CFAP70: variants seen among roughly 807,000 people sequenced by gnomAD.
CFAP70 encodes cilia and flagella associated protein 70, also known as cilia- and flagella-associated protein 70.
CFAP70 carries 81 observed loss-of-function variants against 137.6 expected under a neutral mutation model. The observed-to-expected ratio is 0.59, with a 90% CI of 0.49 to 0.71. The LOEUF (loss-of-function observed/expected upper bound fraction) is 0.71. Among genes scored for constraint, CFAP70 ranks in the 30% least tolerant of loss-of-function variants. The pLI is 0.00. For missense variants in CFAP70, 976 were observed against 1,226.7 expected, an observed-to-expected ratio of 0.80 and a Z score of 3.05; for synonymous variants, 382 against 423.6, an observed-to-expected ratio of 0.90 and a Z score of 1.20.
chr10:73,331,438 T>G (rs1420031298), intron 7 of CFAP70, among the ~76,000 whole-genome samples, 162 bp from the exon 9 acceptor site: 1 of 152,158 alleles, frequency 6.6e-6, no homozygotes, highest in African/African-American at 2.4e-5. Flanking sequence ...GCCAGCACTT[T>G]GAGAGGCCAA....
intron 2 of CFAP70, among the ~76,000 whole-genome samples, chr10:73,354,527 G>T (rs1267979971): frequency 1.3e-5 from 2 of 152,144 alleles, no homozygotes; most frequent in Non-Finnish European, 2.9e-5. Flanking sequence ...CTTTCATCCT[G>T]TTAAATTTAG....
intron 9 of CFAP70, among the ~76,000 whole-genome samples, chr10:73,320,051 T>C (rs1029500403): frequency 6.6e-6 from 1 of 152,214 alleles, no homozygotes; most frequent in Admixed American, 6.5e-5. Flanking sequence ...GCTATCTTTC[T>C]GATATGTATT....
exon 2 of CFAP70, chr10:73,354,834 C>T: frequency 6.3e-7 from 1 of 1,588,488 alleles, no homozygotes; most frequent in South Asian, 1.1e-5. Flanking sequence ...TTTCTTTGGT[C>T]TCTGTAAACA....
At chr10:73,350,047 A>G (rs928414486) in intron 3 of CFAP70, among the ~76,000 whole-genome samples, 97 of 152,172 alleles carry the variant, frequency 6.4e-4, no homozygotes, top group African/African-American at 2.3e-3. Flanking sequence ...AATTATCCCC[A>G]AATTTATTTT....
At chr10:73,327,848 G>C (rs1447502738) in intron 8 of CFAP70, among the ~76,000 whole-genome samples, 2 of 152,000 alleles carry the variant, frequency 1.3e-5, no homozygotes, top group Admixed American at 6.6e-5. Context: ...AGGATACAAA[G>C]AAATGGAAGA....
At chr10:73,359,487 A>C (rs1260016729), upstream of CFAP70, among the ~76,000 whole-genome samples, 1 of 152,216 alleles carries the variant, frequency 6.6e-6, no homozygotes, top group Non-Finnish European at 1.5e-5. Flanking sequence ...CCATGGGCCA[A>C]ATAAGGGACA....
chr10:73,360,619 CATT>C (rs1218734621), upstream of CFAP70, among the ~76,000 whole-genome samples: 1 of 152,114 alleles, frequency 6.6e-6, no homozygotes, highest in African/African-American at 2.4e-5. Context: ...AATAAAGAAA[CATT>C]ATAAATATTG....
Position 73,275,714 on chromosome 10 carries a change from T to C in CFAP70, c.2521-116A>G. Reference sequence around the variant, plus strand: ...CGAAATGTATTACAGAATGAAATAATTATCCTCAACTTCAAAAGGTAAAGG... The same window carrying C: ...CGAAATGTATTACAGAATGAAATAACTATCCTCAACTTCAAAAGGTAAAGG... On this transcript the variant is annotated intron_variant, in intron 21 of 26. Transcript: ENST00000310715. This position sits in a 1 kb window ranked among gnomAD's most constrained non-coding sequence, Gnocchi z 4.0. 1.1e-6 allele frequency: 1 copy of C among 949,118 alleles called. No individual in the cohort carries two copies. Among genetic ancestry groups the C allele is most frequent in the South Asian group, 2.5e-5 (1 of 40,444 alleles). 58.8% of individuals were successfully genotyped at this position (949,118 alleles called of 1,614,324 possible).
intron 19 of CFAP70, among the ~76,000 whole-genome samples, chr10:73,285,133 T>C (rs2047596823): frequency 6.6e-6 from 1 of 151,978 alleles, no homozygotes; most frequent in South Asian, 2.1e-4. Context: ...CCATTAGTGA[T>C]ATATGGAAGT....
chr10:73,322,500 C>T (rs762654220), intron 9 of CFAP70, among the ~76,000 whole-genome samples: 14 of 150,946 alleles, frequency 9.3e-5, no homozygotes, highest in South Asian at 2.1e-4. Flanking sequence ...TCCCTTGAGC[C>T]CAGGAATTTG....
chr10:73,282,636 GA>G (rs200832812), intron 19 of CFAP70, among the ~76,000 whole-genome samples: 15,971 of 151,840 alleles, frequency 0.11, 1,200 homozygotes, highest in East Asian at 0.3. Context: ...CCTGACCTAG[GA>G]TGATCTGCCT....
chr10:73,307,984 A>G (rs2049534559), intron 12 of CFAP70, among the ~76,000 whole-genome samples: 1 of 142,388 alleles, frequency 7.0e-6, no homozygotes, highest in Admixed American at 7.0e-5. Flanking sequence ...ATCTCTACTA[A>G]AATACAAAAA....
At chr10:73,312,902 A>T (rs762844871) in intron 9 of CFAP70, among the ~76,000 whole-genome samples, 41 of 152,194 alleles carry the variant, frequency 2.7e-4, no homozygotes, top group Admixed American at 1.6e-3. Context: ...GGGATCTCAT[A>T]ACTCTTGTAA....
chr10:73,279,950 C>G (rs1290232030), intron 19 of CFAP70, among the ~76,000 whole-genome samples: 3 of 151,948 alleles, frequency 2.0e-5, no homozygotes, highest in Non-Finnish European at 4.4e-5. Context: ...AAAAAACTTA[C>G]CAGTTTTCTC....
chr10:73,333,465 A>C (rs1168970284), intron 7 of CFAP70, among the ~76,000 whole-genome samples: 1 of 152,110 alleles, frequency 6.6e-6, no homozygotes, highest in Non-Finnish European at 1.5e-5. Context: ...ATATCTAGGC[A>C]TATCATTTTC....
In CFAP70 at chr10:73,301,686, T is replaced by C. The variant is rs142235539; in HGVS notation, c.1257-2021A>G. 2.4e-3 allele frequency among the ~76,000 whole-genome samples: 361 copies of C among 152,342 alleles called. 1 individual carries two copies. The highest frequency in any genetic ancestry group is 8.6e-3 in the Admixed American group (132 of 15,298). ...CAACTTTTGGGGTAATGATAGTATA[T>C]ATAAAGTTGACTATGGAATGGCTAC... On this transcript the variant is annotated intron_variant, in intron 12 of 26. Transcript: ENST00000310715.
At chr10:73,264,283 G>A (rs1037448871) in intron 25 of CFAP70, among the ~76,000 whole-genome samples, 1 of 152,120 alleles carries the variant, frequency 6.6e-6, no homozygotes, top group Non-Finnish European at 1.5e-5. Flanking sequence ...TTCTTAAATG[G>A]ATTTAGAAAC....
chr10:73,296,979 T>C (rs6480691), intron 15 of CFAP70, 63 bp downstream of exon 16: 127,107 of 1,548,696 alleles, frequency 0.082, 7,836 homozygotes, highest in East Asian at 0.29. Context: ...AGGAAGGAAT[T>C]ATTCATAGAA....
chr10:73,257,077 A>G (rs910180139), intron 25 of CFAP70, among the ~76,000 whole-genome samples: 5 of 152,048 alleles, frequency 3.3e-5, no homozygotes, highest in African/African-American at 9.7e-5. Context: ...TGTGATTTAC[A>G]TTGTTTTCAT....
Sources: gnomAD v4.1 joint callset for allele counts (sites outside exome capture counted in the v4.1 genomes callset) on GRCh38, gnomAD v4.1.1 for gene constraint, Gnocchi (gnomAD v3.1) non-coding constraint, MANE v1.5 for transcripts, NCBI Gene and HGNC (gene_info 2026-07-23, HGNC 2026-07-21) for gene names.